The following SRBD1 variants were observed in gnomAD, a reference collection of about 807,000 sequenced individuals.
SRBD1 encodes S1 RNA binding domain 1.
SRBD1 carries 88 observed loss-of-function variants against 115.3 expected under a neutral mutation model. That is an observed-to-expected ratio of 0.76 (90% confidence interval 0.64 to 0.91). The LOEUF (loss-of-function observed/expected upper bound fraction) is 0.91. SRBD1 is among the 40% of genes least tolerant of loss of function. SRBD1 has a pLI of 0.00. For missense variants in SRBD1, 1,385 were observed against 1,177.4 expected, an observed-to-expected ratio of 1.18 and a Z score of -2.58; for synonymous variants, 509 against 407.7, an observed-to-expected ratio of 1.25 and a Z score of -2.99.
At chr2:45,528,008 G>A (rs1004120452) in intron 14 of SRBD1, among the ~76,000 whole-genome samples, 1 of 151,754 alleles carries the variant, frequency 6.6e-6, no homozygotes, top group African/African-American at 2.4e-5. Context: ...ATTTAGCTGA[G>A]GCAATTTTGA....
At chr2:45,497,970 C>T (rs908363408) in intron 14 of SRBD1, among the ~76,000 whole-genome samples, 1 of 152,038 alleles carries the variant, frequency 6.6e-6, no homozygotes, top group Non-Finnish European at 1.5e-5. Flanking sequence ...CACCACAGCA[C>T]CCCAGCCTGG....
At chr2:45,589,471 T>C (rs1178347226) in intron 4 of SRBD1, among the ~76,000 whole-genome samples, 2 of 152,168 alleles carry the variant, frequency 1.3e-5, no homozygotes, top group Non-Finnish European at 2.9e-5. Context: ...AAGACAGAGA[T>C]GACAGGTGGA....
chr2:45,552,190 G>A (rs1672322833), intron 11 of SRBD1, among the ~76,000 whole-genome samples: 1 of 152,162 alleles, frequency 6.6e-6, no homozygotes, highest in African/African-American at 2.4e-5. Flanking sequence ...ACCAAATTAA[G>A]TGACTGCAAA....
chr2:45,445,644 T>A (rs989572497), intron 16 of SRBD1, among the ~76,000 whole-genome samples: 6 of 147,126 alleles, frequency 4.1e-5, no homozygotes, highest in Non-Finnish European at 9.0e-5. Flanking sequence ...AAGAAACCAA[T>A]GTTAGACAGC....
At chr2:45,600,216 A>C (rs1206731101) in intron 3 of SRBD1, among the ~76,000 whole-genome samples, 1 of 152,200 alleles carries the variant, frequency 6.6e-6, no homozygotes, top group Non-Finnish European at 1.5e-5. Context: ...AATGAATACA[A>C]GTAAAACTGG....
intron 14 of SRBD1, among the ~76,000 whole-genome samples, chr2:45,510,934 G>C (rs1308085605): frequency 6.6e-6 from 1 of 151,866 alleles, no homozygotes; most frequent in Non-Finnish European, 1.5e-5. Context: ...CAAATACAAA[G>C]AAAAAAAGAG....
At chr2:45,467,508 C>T (rs1276510154) in intron 16 of SRBD1, among the ~76,000 whole-genome samples, 1 of 152,112 alleles carries the variant, frequency 6.6e-6, no homozygotes, top group Non-Finnish European at 1.5e-5. Flanking sequence ...TATATAAGCA[C>T]TAGAAATTTG....
intron 16 of SRBD1, among the ~76,000 whole-genome samples, chr2:45,434,986 G>A (rs1040990846): frequency 5.3e-5 from 8 of 151,292 alleles, no homozygotes; most frequent in Non-Finnish European, 1.2e-4. Flanking sequence ...TGTTCTCATC[G>A]TTCAATTCCC....
intron 19 of SRBD1, among the ~76,000 whole-genome samples, chr2:45,399,889 G>A (rs1558552698): frequency 6.6e-6 from 1 of 152,128 alleles, no homozygotes; most frequent in African/African-American, 2.4e-5. Context: ...ATTAGTGCCT[G>A]TGAATGTTTG....
intron 14 of SRBD1, chr2:45,546,159 G>C: frequency 1.0e-6 from 1 of 985,368 alleles, no homozygotes; most frequent in Non-Finnish European, 1.2e-6. Context: ...AAAGAAAGCA[G>C]AACTACTACA....
chr2:45,558,991 C>T (rs556727835), intron 10 of SRBD1, among the ~76,000 whole-genome samples: 4 of 152,226 alleles, frequency 2.6e-5, no homozygotes, highest in Admixed American at 6.5e-5. Context: ...TGAGCCACCA[C>T]GCCCAGCCGC....
intron 15 of SRBD1, among the ~76,000 whole-genome samples, chr2:45,484,963 A>G (rs1343720226): frequency 6.6e-6 from 1 of 152,216 alleles, no homozygotes; most frequent in East Asian, 1.9e-4. Context: ...TTGTATGGCT[A>G]TACCACATTT....
intron 5 of SRBD1, among the ~76,000 whole-genome samples, chr2:45,583,321 T>C (rs1280308248): frequency 6.6e-6 from 1 of 152,202 alleles, no homozygotes; most frequent in Admixed American, 6.5e-5. Context: ...TCTATAGTCA[T>C]GGTAGCCCAA....
chr2:45,474,905 G>C (rs1440529277), intron 16 of SRBD1, among the ~76,000 whole-genome samples: 1 of 152,070 alleles, frequency 6.6e-6, no homozygotes. Flanking sequence ...ATGGAATTAG[G>C]AGTTCTGAAT....
intron 7 of SRBD1, among the ~76,000 whole-genome samples, chr2:45,578,787 G>A (rs1366925858): frequency 6.6e-6 from 1 of 152,038 alleles, no homozygotes; most frequent in Non-Finnish European, 1.5e-5. Flanking sequence ...ACAACACGGG[G>A]GCTACAGTTA....
chr2:45,528,236 T>C (rs1427944503), intron 14 of SRBD1, among the ~76,000 whole-genome samples: 1 of 151,752 alleles, frequency 6.6e-6, no homozygotes, highest in Non-Finnish European at 1.5e-5. Context: ...GAACACCATG[T>C]GTTGGGTTAA....
intron 15 of SRBD1, among the ~76,000 whole-genome samples, chr2:45,482,669 A>C (rs1477666322): frequency 6.6e-6 from 1 of 151,644 alleles, no homozygotes; most frequent in Non-Finnish European, 1.5e-5. Context: ...ATAAAAATAA[A>C]ACATGCAGAA....
intron 16 of SRBD1, among the ~76,000 whole-genome samples, chr2:45,443,968 G>C (rs1315796372): frequency 6.6e-6 from 1 of 152,080 alleles, no homozygotes; most frequent in Admixed American, 6.5e-5. Context: ...AATTTCCAGA[G>C]AAATATTCAT....
At chr2:45,473,950 C>A (rs1669727619) in intron 16 of SRBD1, among the ~76,000 whole-genome samples, 1 of 152,194 alleles carries the variant, frequency 6.6e-6, no homozygotes, top group Admixed American at 6.5e-5. Context: ...TATCATGTGA[C>A]TTTTTGTTCA....
Sources: allele counts gnomAD v4.1 joint callset (sites outside exome capture counted in the v4.1 genomes callset), GRCh38; gene constraint gnomAD v4.1.1; transcripts MANE v1.5; gene names NCBI Gene and HGNC (gene_info 2026-07-23, HGNC 2026-07-21).